Variants in PCMTD2 observed in about 807,000 individuals in gnomAD.
PCMTD2 encodes the protein protein-L-isoaspartate O-methyltransferase domain-containing protein 2.
Under a neutral mutation model 33.4 loss-of-function variants are expected in PCMTD2, and 16 were observed. That is an observed-to-expected ratio of 0.48 (90% CI 0.32 to 0.73). PCMTD2 has a LOEUF of 0.73. Ranked by LOEUF, PCMTD2 falls within the 30% of genes least tolerant of loss-of-function variation. The pLI is 0.03. For missense variants in PCMTD2, 374 were observed against 449.9 expected (o/e 0.83, Z 1.53); for synonymous variants, 161 against 160.8 (o/e 1.00, Z -0.01).
intron 5 of PCMTD2, chr20:64,272,040 C>T: frequency 1.1e-5 from 4 of 364,812 alleles, no homozygotes; most frequent in South Asian, 8.1e-5. Flanking sequence ...GGACTGAAGA[C>T]AAAGGAAGTG....
intron 5 of PCMTD2, chr20:64,272,302 A>ACCTGT: frequency 3.1e-6 from 1 of 318,820 alleles, no homozygotes; most frequent in Non-Finnish European, 6.6e-6. Flanking sequence ...GAAGTTGAGT[A>ACCTGT]CTGGAGGGGA....
At chr20:64,265,219 GTGAT>G in intron 3 of PCMTD2, 35 bp from the exon 4 acceptor site, 2 of 1,516,344 alleles carry the variant, frequency 1.3e-6, no homozygotes, top group African/African-American at 1.4e-5. Context: ...TTGTTGCAAT[GTGAT>G]ACTTTTAGTT....
At position 64,271,927 on chromosome 20, in the gene PCMTD2, C is replaced by G. The variant is rs191253107; in HGVS notation, c.707-1294C>G. 3.5e-5 allele frequency: 11 copies of G among 312,032 alleles called. No homozygotes were observed. In the East Asian group the frequency reaches 7.6e-4, roughly 22 times the overall value. The allele number at this position is 312,032 out of a possible 1,614,324, so 19.3% of individuals were successfully genotyped here. On this transcript the variant is annotated intron_variant, in intron 5 of 5. Transcript: ENST00000308824. ...CCCAGTGGCTCTGGAAGTAATCTGTCTAGATGTGAGATGATGAAGGAAGGA... is the reference window on the plus strand; with the variant it reads ...CCCAGTGGCTCTGGAAGTAATCTGTGTAGATGTGAGATGATGAAGGAAGGA...
At position 64,265,445 on chromosome 20, in the gene PCMTD2, T is replaced by C; in HGVS notation, c.582+16T>C. ...GGAAGAGAAGGTCAGATTCCCTTCATAACTGACATTTCTGCACACTGTGTG... is the reference window on the plus strand; with the variant it reads ...GGAAGAGAAGGTCAGATTCCCTTCACAACTGACATTTCTGCACACTGTGTG... On this transcript the variant is annotated intron_variant, in intron 4 of 5. Coordinates refer to ENST00000308824, the MANE Select transcript of PCMTD2 (RefSeq NM_018257.3). 6.3e-7 allele frequency: 1 copy of C among 1,592,946 alleles called. No homozygotes were observed.
At chr20:64,260,706 GTTTTTTT>G (rs10585176) in intron 2 of PCMTD2, among the ~76,000 whole-genome samples, 1 of 117,606 alleles carries the variant, frequency 8.5e-6, no homozygotes, top group Admixed American at 8.6e-5. Context: ...TGTTTTGTTG[GTTTTTTT>G]TTTTTTTTTT....
chr20:64,263,722 G>A (rs1007722793), intron 2 of PCMTD2, among the ~76,000 whole-genome samples: 1 of 152,128 alleles, frequency 6.6e-6, no homozygotes, highest in Non-Finnish European at 1.5e-5. Context: ...CCTCCTCCTA[G>A]AAAGTTCACC....
At chr20:64,271,547 G>A (rs1985910515) in intron 5 of PCMTD2, 1 of 152,570 alleles carries the variant, frequency 6.6e-6, no homozygotes, top group Admixed American at 6.5e-5. Flanking sequence ...TCTGTGGGAG[G>A]CTCAGGATTC....
At chr20:64,260,394 T>C (rs1302303804) in intron 2 of PCMTD2, 122 bp downstream of exon 2, 9 of 677,464 alleles carry the variant, frequency 1.3e-5, no homozygotes, top group Non-Finnish European at 1.6e-5. Context: ...CCAGTAGTTA[T>C]CTGACATTGA....
In PCMTD2 at chr20:64,273,507, A is replaced by G; in HGVS notation, c.993A>G (p.Pro331=). The change falls in exon 6 of 6, where the codon CCA becomes CCG. Residue 331 remains proline (P), a synonymous_variant. Transcript: ENST00000308824. The stretch of plus-strand genomic sequence containing the variant: ...AGAAGACCCCGCCGGAAACAAAGCC[A>G]GACCCCCCAGTGAACTTCCTACGCC... ...EEEKTPPETK[P]DPPVNFLRQK... is the part of the protein sequence containing the mutation. The G allele has an allele frequency of 6.2e-7, 1 of 1,603,454 alleles. No individual in the cohort carries two copies. Among genetic ancestry groups the G allele is most frequent in the Non-Finnish European group, 8.5e-7 (1 of 1,176,098 alleles).
In PCMTD2 at chr20:64,260,090, A is replaced by G; in HGVS notation, c.125A>G (p.Tyr42Cys). Residue 42 changes from tyrosine to cysteine, a missense_variant, in exon 2 of 6, where the codon TAT (tyrosine) becomes TGT (cysteine). Transcript: ENST00000308824. ...AFRAIDRADY[Y>C]LEEFKENAYK... ...AGAGCTATCGATCGTGCAGACTATT[A>G]TCTTGAAGAATTTAAAGAAAATGCT... 6.2e-7 allele frequency: 1 copy of G among 1,613,098 alleles called. No homozygotes were observed. Among genetic ancestry groups the G allele is most frequent in the Non-Finnish European group, 8.5e-7 (1 of 1,179,034 alleles).
intron 2 of PCMTD2, among the ~76,000 whole-genome samples, chr20:64,261,996 T>C (rs1010276875): frequency 2.0e-5 from 3 of 152,192 alleles, no homozygotes; most frequent in African/African-American, 7.2e-5. Flanking sequence ...CTCACGCCTG[T>C]AATCTCAGCA....
In PCMTD2 at chr20:64,273,693, G is replaced by C. The variant is rs1250254555; in HGVS notation, c.*93G>C. ...GCTGTTGAAGGGTCACCTGGAGGCA[G>C]ACGTTGTGGGGAAGGGAACTGCTGG... On this transcript the variant is annotated 3_prime_UTR_variant, in exon 6 of 6. Transcript: ENST00000308824. 1 of 1,092,332 alleles carries C rather than the reference G, an allele frequency of 9.2e-7. No individual in the cohort carries two copies. Among genetic ancestry groups the C allele is most frequent in the African/African-American group, 1.6e-5 (1 of 63,606 alleles). 67.7% of individuals were successfully genotyped at this position (1,092,332 alleles called of 1,614,324 possible). A position where few individuals can be genotyped will look rare whatever the true frequency, so the allele number is the denominator to read the frequency against.
At position 64,260,270 on chromosome 20, in the gene PCMTD2, TA is replaced by T. The variant is rs1466612302; in HGVS notation, c.306del (p.Gly103ValfsTer5). On this transcript the variant is annotated frameshift_variant and splice_region_variant, in exon 2 of 6. Coordinates refer to ENST00000308824, the MANE Select transcript of PCMTD2 (RefSeq NM_018257.3). LOFTEE classifies it high-confidence loss of function. The part of the protein sequence containing the change: ...GYLSSMVGLI[L>X]GPFGVNHGVE... ...CTCAGCTCCATGGTGGGCCTCATTC[TA>T]GGTAAGTGTGGAAGGAGAGTCTGAA... 1 of 1,601,302 alleles carries T rather than the reference TA, an allele frequency of 6.2e-7. No individual in the cohort carries two copies.
chr20:64,263,675 A>T (rs1378624176), intron 2 of PCMTD2, among the ~76,000 whole-genome samples: 1 of 152,240 alleles, frequency 6.6e-6, no homozygotes, highest in Non-Finnish European at 1.5e-5. Flanking sequence ...CAAGATGCAG[A>T]GTTGAATCAG....
intron 1 of PCMTD2, among the ~76,000 whole-genome samples, chr20:64,258,431 C>T (rs1033966269): frequency 1.3e-5 from 2 of 152,180 alleles, no homozygotes; most frequent in Non-Finnish European, 2.9e-5. Flanking sequence ...TATTGATTTG[C>T]AAAACCTAAT....
chr20:64,273,495 G>A lies in PCMTD2; in HGVS notation c.981G>A (p.Pro327=), dbSNP rs529111736. ...GGGAAGAAGAAGAGAAGACCCCGCC[G>A]GAAACAAAGCCAGACCCCCCAGTGA... ...ERREEEEKTP[P]ETKPDPPVNF... is the part of the protein sequence containing the mutation. Residue 327 remains proline, a synonymous_variant, in exon 6 of 6, where the codon CCG becomes CCA. Transcript: ENST00000308824. The A allele has an allele frequency of 6.8e-6, 11 of 1,608,800 alleles. No individual in the cohort carries two copies. Among genetic ancestry groups the A allele is most frequent in the African/African-American group, 6.7e-5 (5 of 74,502 alleles).
chr20:64,272,756 G>T (rs1408035960), intron 5 of PCMTD2, among the ~76,000 whole-genome samples: 6 of 152,204 alleles, frequency 3.9e-5, no homozygotes, highest in Non-Finnish European at 8.8e-5. Flanking sequence ...GGAGACGGAG[G>T]TTGCAGTAAG....
intron 3 of PCMTD2, 77 bp downstream of exon 3, chr20:64,264,608 T>C (rs1279571951): frequency 1.3e-6 from 1 of 760,724 alleles, no homozygotes; most frequent in African/African-American, 1.7e-5. Flanking sequence ...TAGAAAGAAA[T>C]CATGTGGTAG....
intron 2 of PCMTD2, among the ~76,000 whole-genome samples, 182 bp downstream of exon 2, chr20:64,260,454 A>G (rs1271718899): frequency 6.6e-6 from 1 of 152,180 alleles, no homozygotes; most frequent in Non-Finnish European, 1.5e-5. Context: ...GCCTGCATGC[A>G]TCTCATGGGC....
Sources: allele counts gnomAD v4.1 joint callset (sites outside exome capture counted in the v4.1 genomes callset), GRCh38; gene constraint gnomAD v4.1.1; transcripts MANE v1.5; gene names NCBI Gene and HGNC (gene_info 2026-07-23, HGNC 2026-07-21).